Variants in KCNH8 observed in about 807,000 individuals in gnomAD.
KCNH8 encodes the protein voltage-gated delayed rectifier potassium channel KCNH8.
In KCNH8, 70 loss-of-function variants were observed where a neutral mutation model predicts 103.6. That is an observed-to-expected ratio of 0.68 (90% CI 0.56 to 0.82). The LOEUF (loss-of-function observed/expected upper bound fraction) is 0.82. KCNH8 is among the 40% of genes least tolerant of loss of function. The pLI, the probability that KCNH8 is intolerant of heterozygous loss-of-function variation, is 0.00. For missense variants in KCNH8, 1,217 were observed against 1,329.9 expected (o/e 0.92, Z 1.32); for synonymous variants, 498 against 489.4 (o/e 1.02, Z -0.23).
chr3:19,239,301 A>G (rs886779055), intron 1 of KCNH8, among the ~76,000 whole-genome samples: 2 of 152,226 alleles, frequency 1.3e-5, no homozygotes, highest in African/African-American at 2.4e-5. Flanking sequence ...CAAGATAACT[A>G]GTACAGTCCT....
chr3:19,153,456 A>G (rs568387039), intron 1 of KCNH8, among the ~76,000 whole-genome samples: 1 of 152,218 alleles, frequency 6.6e-6, no homozygotes, highest in South Asian at 2.1e-4. Flanking sequence ...TGAGACTGGC[A>G]AAGGACAAAA....
intron 5 of KCNH8, among the ~76,000 whole-genome samples, chr3:19,374,110 A>C (rs1332662443): frequency 8.6e-5 from 13 of 151,576 alleles, no homozygotes; most frequent in South Asian, 2.1e-4. Context: ...AGAGTTCTGT[A>C]GATGTCTATT....
At chr3:19,482,444 CTA>C (rs2068107183) in intron 11 of KCNH8, among the ~76,000 whole-genome samples, 2 of 152,086 alleles carry the variant, frequency 1.3e-5, no homozygotes, top group African/African-American at 2.4e-5. Flanking sequence ...TTTTTACTAC[CTA>C]TGTCTTTTTG....
chr3:19,353,221 A>G (rs1425392787), intron 5 of KCNH8, among the ~76,000 whole-genome samples: 1 of 152,058 alleles, frequency 6.6e-6, no homozygotes, highest in East Asian at 1.9e-4. Context: ...ATAACAGGCT[A>G]TGAAATTAAG....
chr3:19,263,488 C>G (rs542793658), intron 2 of KCNH8, among the ~76,000 whole-genome samples: 1 of 152,134 alleles, frequency 6.6e-6, no homozygotes, highest in East Asian at 1.9e-4. Flanking sequence ...ACCTGTTTGG[C>G]AGGTATAAGA....
chr3:19,439,658 A>G (rs1223571865), intron 8 of KCNH8, among the ~76,000 whole-genome samples: 1 of 152,208 alleles, frequency 6.6e-6, no homozygotes. Flanking sequence ...TCATGCTAAC[A>G]ACAGACAATA....
chr3:19,343,398 A>C (rs1327703208), intron 4 of KCNH8, among the ~76,000 whole-genome samples: 2 of 152,088 alleles, frequency 1.3e-5, no homozygotes, highest in Non-Finnish European at 2.9e-5. Flanking sequence ...CCAGGATTTC[A>C]CACTGAATTT....
chr3:19,521,521 ACTCTCAT>A (rs2068970308), intron 15 of KCNH8, among the ~76,000 whole-genome samples: 1 of 151,892 alleles, frequency 6.6e-6, no homozygotes, highest in Admixed American at 6.6e-5. Context: ...ACAAACGGTG[ACTCTCAT>A]ATAAGCACCC....
Position 19,152,155 on chromosome 3 carries a change from A to T in KCNH8, c.76+3360A>T, listed in dbSNP as rs559466308. ...GTTCACTTCTCCATAGTTTTTTTTT[A>T]AAACATATTTGCTGTAATTTAAGAA... On this transcript the variant is annotated intron_variant, in intron 1 of 15. Coordinates refer to ENST00000328405, the MANE Select transcript of KCNH8 (RefSeq NM_144633.3). Among the ~76,000 whole-genome samples, 253 of 152,140 alleles carry T rather than the reference A, an allele frequency of 1.7e-3. 3 individuals are homozygous for T. The highest frequency in any genetic ancestry group is 5.0e-3 in the African/African-American group (207 of 41,530).
At chr3:19,346,773 T>A (rs1236321203) in intron 4 of KCNH8, 1 of 436,376 alleles carries the variant, frequency 2.3e-6, no homozygotes, top group Non-Finnish European at 4.6e-6. Context: ...CTCTGTTAAT[T>A]CAACTAAACT....
intron 11 of KCNH8, among the ~76,000 whole-genome samples, chr3:19,465,814 G>A (rs753731073): frequency 5.9e-5 from 9 of 152,120 alleles, no homozygotes; most frequent in Admixed American, 2.6e-4. Context: ...AAGGAAGTCA[G>A]TGCAGATCTG....
rs576188190 is a variant in KCNH8 at position 19,237,175 on chromosome 3, C to A, written c.77-16479C>A. On this transcript the variant is annotated intron_variant, in intron 1 of 15. Coordinates refer to ENST00000328405, the MANE Select transcript of KCNH8 (RefSeq NM_144633.3). ...CTTGATAGGAGGTCACAGGTAGCAT[C>A]TGTAGATGTTTTTAATTGGTGTTTT... Among the ~76,000 whole-genome samples, 149 of 152,308 alleles carry A rather than the reference C, an allele frequency of 9.8e-4. 1 individual carries two copies. Among genetic ancestry groups the A allele is most frequent in the African/African-American group, 2.9e-3 (122 of 41,564 alleles).
intron 2 of KCNH8, among the ~76,000 whole-genome samples, chr3:19,260,534 A>G (rs1199636702): frequency 9.1e-6 from 1 of 109,510 alleles, no homozygotes; most frequent in African/African-American, 3.4e-5. Flanking sequence ...ATATATATAT[A>G]GTAAAATGGT....
At chr3:19,327,890 T>C (rs1055892588) in intron 3 of KCNH8, among the ~76,000 whole-genome samples, 8 of 152,096 alleles carry the variant, frequency 5.3e-5, no homozygotes, top group African/African-American at 1.7e-4. Flanking sequence ...TACTAACTAA[T>C]AGAGGGGACA....
chr3:19,373,529 T>C (rs1453616056), intron 5 of KCNH8, among the ~76,000 whole-genome samples: 1 of 152,226 alleles, frequency 6.6e-6, no homozygotes, highest in African/African-American at 2.4e-5. Context: ...GCTAGCGGTC[T>C]ATCAGTTTTG....
Position 19,281,289 on chromosome 3 carries a change from A to G in KCNH8, c.402A>G (p.Thr134=). The G allele has an allele frequency of 6.2e-7, 1 of 1,610,288 alleles. No homozygotes were observed. Among genetic ancestry groups the G allele is most frequent in the South Asian group, 1.1e-5 (1 of 90,308 alleles). The change falls in exon 3 of 16, where the codon ACA becomes ACG. Residue 134 remains threonine (T), a synonymous_variant. Coordinates refer to ENST00000328405, the MANE Select transcript of KCNH8 (RefSeq NM_144633.3). ...VLFLASFKDI[T]DTKVKITPED... ...TTCTGGCCTCGTTCAAAGATATAAC[A>G]GATACAAAAGTGAAGATTACTCCAG... is the stretch of plus-strand genomic sequence containing the variant.
At chr3:19,216,634 T>A (rs2063820945) in intron 1 of KCNH8, among the ~76,000 whole-genome samples, 1 of 152,170 alleles carries the variant, frequency 6.6e-6, no homozygotes, top group African/African-American at 2.4e-5. Context: ...CTTGCCACCT[T>A]TATTTATGTG....
chr3:19,309,833 A>C (rs2065186607), intron 3 of KCNH8, among the ~76,000 whole-genome samples: 1 of 151,964 alleles, frequency 6.6e-6, no homozygotes, highest in Non-Finnish European at 1.5e-5. Context: ...ATCAGAAACT[A>C]TGTGAAAATC....
chr3:19,170,084 T>A (rs1028845721), intron 1 of KCNH8, among the ~76,000 whole-genome samples: 2 of 152,222 alleles, frequency 1.3e-5, no homozygotes, highest in African/African-American at 4.8e-5. Flanking sequence ...CTTCCCTTAT[T>A]TCACTTTATG....
Sources: gnomAD v4.1 joint callset for allele counts (sites outside exome capture counted in the v4.1 genomes callset) on GRCh38, gnomAD v4.1.1 for gene constraint, MANE v1.5 for transcripts, NCBI Gene and HGNC (gene_info 2026-07-23, HGNC 2026-07-21) for gene names.